The following NREP variants were observed in gnomAD, a reference collection of about 807,000 sequenced individuals.
NREP encodes neuronal regeneration related protein.
Under a neutral mutation model 8.6 loss-of-function variants are expected in NREP, and 5 were observed. The ratio of observed to expected loss-of-function variants is 0.58; its 90% CI spans 0.30 to 1.22. The LOEUF (loss-of-function observed/expected upper bound fraction) is 1.22. Ranked by LOEUF, NREP falls within the 50% of genes most tolerant of loss-of-function variation. The pLI, the probability that NREP is intolerant of heterozygous loss-of-function variation, is 0.07. For missense variants in NREP, 86 were observed against 82.5 expected (o/e 1.04, Z -0.17); for synonymous variants, 27 against 28.0 (o/e 0.96, Z 0.11).
At chr5:111,781,491 A>G (rs1751492232) in intron 2 of NREP, among the ~76,000 whole-genome samples, 1 of 152,200 alleles carries the variant, frequency 6.6e-6, no homozygotes, top group Admixed American at 6.5e-5. Flanking sequence ...TTTGCAGCTG[A>G]GAGCCCATAC....
chr5:111,862,867 G>C (rs1341617578), intron 2 of NREP, among the ~76,000 whole-genome samples: 1 of 151,254 alleles, frequency 6.6e-6, no homozygotes, highest in Admixed American at 6.6e-5. Context: ...GAGACAGCCA[G>C]TGTAGCTCAT....
Position 111,855,335 on chromosome 5 carries a change from A to C in NREP, c.136-119828T>G, listed in dbSNP as rs1337226559. Among the ~76,000 whole-genome samples, 7 of 152,198 alleles carry C rather than the reference A, an allele frequency of 4.6e-5. No individual in the cohort carries two copies. The East Asian group carries it at 1.2e-3, about 25-fold the overall frequency. On this transcript the variant is annotated intron_variant, in intron 2 of 3. Transcript: ENST00000395634. ...TAGAAATAAAATGCTTATACATGATAATTTGTTCTAGGGATTATTAGCACA... is the reference window on the plus strand; with the variant it reads ...TAGAAATAAAATGCTTATACATGATCATTTGTTCTAGGGATTATTAGCACA...
At chr5:111,894,258 C>A (rs188125768) in intron 2 of NREP, among the ~76,000 whole-genome samples, 3 of 151,922 alleles carry the variant, frequency 2.0e-5, no homozygotes, top group African/African-American at 7.2e-5. Context: ...ATAAATTTTT[C>A]CAACAAAAAT....
chr5:111,878,720 C>T (rs572507533), intron 2 of NREP, among the ~76,000 whole-genome samples: 3 of 152,306 alleles, frequency 2.0e-5, no homozygotes, highest in Non-Finnish European at 4.4e-5. Context: ...AAGAGGTCGA[C>T]AGTCAGATAG....
At chr5:111,807,872 G>T (rs1284528651) in intron 2 of NREP, among the ~76,000 whole-genome samples, 1 of 152,126 alleles carries the variant, frequency 6.6e-6, no homozygotes, top group African/African-American at 2.4e-5. Flanking sequence ...CACCAGCTCT[G>T]AATATCATGT....
intron 2 of NREP, among the ~76,000 whole-genome samples, chr5:111,824,632 A>G (rs1752580824): frequency 6.6e-6 from 1 of 152,208 alleles, no homozygotes; most frequent in African/African-American, 2.4e-5. Context: ...TGGTAAGGCA[A>G]TAATCCCATT....
chr5:111,778,523 A>G (rs888203588), intron 2 of NREP, among the ~76,000 whole-genome samples: 22 of 152,114 alleles, frequency 1.4e-4, no homozygotes, highest in African/African-American at 5.1e-4. Flanking sequence ...TTCCTTATAT[A>G]AAGAGTTATA....
intron 2 of NREP, among the ~76,000 whole-genome samples, chr5:111,880,886 C>A (rs531129931): frequency 6.6e-6 from 1 of 152,172 alleles, no homozygotes; most frequent in East Asian, 1.9e-4. Context: ...CTACAGCTCC[C>A]AGCGTGAGCA....
chr5:111,802,208 A>T (rs1752030004), intron 2 of NREP, among the ~76,000 whole-genome samples: 2 of 152,230 alleles, frequency 1.3e-5, no homozygotes, highest in Admixed American at 1.3e-4. Flanking sequence ...AGAGCCATGA[A>T]GGAAAAATAA....
chr5:111,836,027 C>T (rs1280999671), intron 2 of NREP, among the ~76,000 whole-genome samples: 1 of 152,132 alleles, frequency 6.6e-6, no homozygotes, highest in African/African-American at 2.4e-5. Context: ...AAGGTTCCTG[C>T]AATCTGTGTG....
chr5:111,774,458 C>A (rs1751311332), intron 2 of NREP, among the ~76,000 whole-genome samples: 1 of 152,150 alleles, frequency 6.6e-6, no homozygotes, highest in Admixed American at 6.5e-5. Flanking sequence ...CCTGGATTAT[C>A]CAGTTGTGCC....
chr5:111,964,949 T>C (rs2112660224), intron 2 of NREP, among the ~76,000 whole-genome samples: 1 of 147,742 alleles, frequency 6.8e-6, no homozygotes, highest in South Asian at 2.2e-4. Flanking sequence ...CATTTACTAT[T>C]CCATGTAATA....
At chr5:111,975,972 A>G (rs1020599685) in intron 1 of NREP, among the ~76,000 whole-genome samples, 5 of 152,196 alleles carry the variant, frequency 3.3e-5, no homozygotes, top group Non-Finnish European at 7.3e-5. Flanking sequence ...CTAAACCAGC[A>G]TATCTAATTC....
chr5:111,818,197 G>T (rs1752436823), intron 2 of NREP, among the ~76,000 whole-genome samples: 1 of 152,094 alleles, frequency 6.6e-6, no homozygotes, highest in East Asian at 1.9e-4. Flanking sequence ...CAGAAAATCT[G>T]CAGTGTCATA....
rs373614952 is a variant in NREP, at chr5:111,862,734, T to C, written c.135+112540A>G. Reference sequence around the variant, plus strand: ...AACATGACAGACAGGACTTAAAATATCGAGTTTACAATCTACTAAAGACGA... The same window carrying C: ...AACATGACAGACAGGACTTAAAATACCGAGTTTACAATCTACTAAAGACGA... On this transcript the variant is annotated intron_variant, in intron 2 of 3. Coordinates refer to the NREP transcript ENST00000395634. Among the ~76,000 whole-genome samples the C allele has an allele frequency of 2.6e-4, 40 of 152,004 alleles. No homozygotes were observed. In the South Asian group the frequency reaches 7.7e-3, roughly 29 times the overall value.
intron 2 of NREP, among the ~76,000 whole-genome samples, chr5:111,881,421 C>G (rs926941026): frequency 6.6e-6 from 1 of 152,206 alleles, no homozygotes; most frequent in Admixed American, 6.5e-5. Flanking sequence ...AACAAAAAGA[C>G]AGCAGTAACC....
At chr5:111,966,867 G>C (rs10515438) in intron 2 of NREP, among the ~76,000 whole-genome samples, 3,209 of 152,214 alleles carry the variant, frequency 0.021, 50 homozygotes, top group East Asian at 0.03. Flanking sequence ...AGTCAGTTGT[G>C]GTAGTTCAAT....
rs1322835290 is a variant in NREP, at chr5:111,827,166, G to GT, written c.136-91660dup. On this transcript the variant is annotated intron_variant, in intron 2 of 3. Transcript: ENST00000395634. ...AAAAATGTTGAGATTGATCAGTGAT[G>GT]TTTTCCTTATATAGTGAAGGATTAT... Among the ~76,000 whole-genome samples the GT allele has an allele frequency of 2.6e-5, 4 of 152,140 alleles. No homozygotes were observed. In the East Asian group the frequency reaches 7.7e-4, roughly 29 times the overall value.
intron 2 of NREP, among the ~76,000 whole-genome samples, chr5:111,745,416 T>C (rs998547208): frequency 6.6e-5 from 10 of 152,216 alleles, no homozygotes; most frequent in Admixed American, 1.3e-4. Context: ...ACAGTTTTTT[T>C]CTTTTTTCAA....
Sources: allele counts gnomAD v4.1 joint callset (sites outside exome capture counted in the v4.1 genomes callset), GRCh38; gene constraint gnomAD v4.1.1; transcripts MANE v1.5; gene names NCBI Gene and HGNC (gene_info 2026-07-23, HGNC 2026-07-21).